Variants in PKP1 observed in about 807,000 individuals in gnomAD.
PKP1 encodes plakophilin-1.
PKP1 carries 27 observed loss-of-function variants against 76.4 expected under a neutral mutation model. That is an observed-to-expected ratio of 0.35 (90% CI 0.26 to 0.49). The LOEUF (loss-of-function observed/expected upper bound fraction) is 0.49, where lower values mean the gene tolerates loss of function less well. PKP1 is among the 20% of genes least tolerant of loss of function. PKP1 has a pLI of 0.99. For synonymous variants in PKP1, 404 were observed against 384.2 expected (o/e 1.05, Z -0.60); for missense variants, 964 against 955.2 (o/e 1.01, Z -0.12).
rs759444534 is a variant in PKP1 at position 201,324,421 on chromosome 1, C to G, written c.1681-7C>G. ...GGCTAGCTCATCATCTACTCCTTCT[C>G]TCTTAGATGTCCAGTGGCATGAGCC... On this transcript the variant is annotated splice_polypyrimidine_tract_variant and splice_region_variant and intron_variant, in intron 9 of 13. Coordinates refer to ENST00000367324, the MANE Select transcript of PKP1 (RefSeq NM_001005337.3). The G allele has an allele frequency of 6.2e-7, 1 of 1,613,926 alleles. No individual in the cohort carries two copies. Among genetic ancestry groups the G allele is most frequent in the African/African-American group, 1.3e-5 (1 of 74,936 alleles).
intron 2 of PKP1, among the ~76,000 whole-genome samples, chr1:201,301,991 A>AG (rs1656246010): frequency 6.6e-6 from 1 of 152,130 alleles, no homozygotes; most frequent in East Asian, 1.9e-4. Flanking sequence ...ACATCTGGGG[A>AG]GGGGGTCTTG....
chr1:201,301,449 G>T (rs567421465), intron 2 of PKP1, among the ~76,000 whole-genome samples: 5 of 152,230 alleles, frequency 3.3e-5, no homozygotes, highest in Admixed American at 6.5e-5. Context: ...TTCATGTTGT[G>T]TAGAGCTCTG....
intron 2 of PKP1, among the ~76,000 whole-genome samples, chr1:201,297,301 C>T (rs1244255980): frequency 6.6e-6 from 1 of 152,148 alleles, no homozygotes; most frequent in Admixed American, 6.5e-5. Context: ...GCCTCCTCCT[C>T]CTTCAGGCAG....
chr1:201,330,109 G>A lies in PKP1; in HGVS notation c.*68G>A, dbSNP rs150757816. 3 of 152,240 alleles carry A rather than the reference G, an allele frequency of 2.0e-5. No individual in the cohort carries two copies. Among genetic ancestry groups the A allele is most frequent in the East Asian group, 1.9e-4 (1 of 5,176 alleles). 9.4% of individuals were successfully genotyped at this position (152,240 alleles called of 1,614,324 possible). ...CCCAGCTGAGAAGCCCTCAGGCCTC[G>A]CTGGATGGGGTTTTCTGTCCATCCT... On this transcript the variant is annotated 3_prime_UTR_variant, in exon 14 of 14. Coordinates refer to ENST00000367324, the MANE Select transcript of PKP1 (RefSeq NM_001005337.3).
In PKP1 at chr1:201,324,465, A is replaced by T; in HGVS notation, c.1718A>T (p.Glu573Val). 1 of 1,614,104 alleles carries T rather than the reference A, an allele frequency of 6.2e-7. No individual in the cohort carries two copies. The highest frequency in any genetic ancestry group is 8.5e-7 in the Non-Finnish European group (1 of 1,179,988). ...ATGAGCCAGTTGATTGGGCTGAAGG[A>T]AAAGGGCCTGCCACAAATTGCCCGC... Reference protein sequence around the residue: ...SGMSQLIGLKEKGLPQIARLL... With the variant: ...SGMSQLIGLKVKGLPQIARLL... Residue 573 changes from glutamate to valine, a missense_variant, in exon 10 of 14, where the codon GAA becomes GTA. Coordinates refer to ENST00000367324, the MANE Select transcript of PKP1 (RefSeq NM_001005337.3).
chr1:201,283,642 A>ACCTCG lies in PKP1; in HGVS notation c.-51_-47dup. 2 of 1,439,970 alleles carry ACCTCG rather than the reference A, an allele frequency of 1.4e-6. No homozygotes were observed. Among genetic ancestry groups the ACCTCG allele is most frequent in the Non-Finnish European group, 1.9e-6 (2 of 1,036,818 alleles). 89.2% of individuals were successfully genotyped at this position (1,439,970 alleles called of 1,614,324 possible). A position where few individuals can be genotyped will look rare whatever the true frequency, so the allele number is the denominator to read the frequency against. On this transcript the variant is annotated 5_prime_UTR_variant, in exon 1 of 14. Transcript: ENST00000367324. The stretch of plus-strand genomic sequence containing the variant: ...CGCTCCTGCCCGCCCGCTGCACCGC[A>ACCTCG]CCTCGCCTCGCCTCTCTGCTCTCCT...
intron 6 of PKP1, 27 bp downstream of exon 6, chr1:201,318,822 T>C: frequency 6.4e-7 from 1 of 1,561,640 alleles, no homozygotes; most frequent in Non-Finnish European, 8.7e-7. Context: ...CATGGGGTCT[T>C]TTTGTCCCAG....
intron 3 of PKP1, chr1:201,316,308 C>T (rs1432106710): frequency 5.5e-6 from 3 of 544,708 alleles, no homozygotes; most frequent in Non-Finnish European, 9.8e-6. Context: ...CCTGCTAGGA[C>T]ATTAACTGTG....
intron 3 of PKP1, chr1:201,316,332 T>C (rs1656747242): frequency 1.7e-6 from 1 of 572,888 alleles, no homozygotes; most frequent in South Asian, 2.2e-5. Flanking sequence ...AGGGGCTCAC[T>C]ATTCTCACAT....
At chr1:201,312,442 T>G (rs1315709860) in intron 2 of PKP1, among the ~76,000 whole-genome samples, 1 of 152,192 alleles carries the variant, frequency 6.6e-6, no homozygotes, top group Admixed American at 6.5e-5. Flanking sequence ...GAGTGACTAC[T>G]AGAAGGTCAC....
intron 1 of PKP1, among the ~76,000 whole-genome samples, chr1:201,291,095 G>T (rs929939511): frequency 2.6e-5 from 4 of 152,094 alleles, no homozygotes; most frequent in Non-Finnish European, 5.9e-5. Flanking sequence ...TGGTTATCTG[G>T]CACACTGCGA....
intron 7 of PKP1, among the ~76,000 whole-genome samples, chr1:201,320,672 C>A (rs1439077968): frequency 3.3e-5 from 5 of 152,214 alleles, no homozygotes; most frequent in African/African-American, 9.7e-5. Flanking sequence ...ATCATATCAA[C>A]CTCAAGGGTT....
intron 2 of PKP1, among the ~76,000 whole-genome samples, chr1:201,308,169 C>T (rs1384836310): frequency 6.6e-6 from 1 of 152,238 alleles, no homozygotes; most frequent in Non-Finnish European, 1.5e-5. Context: ...GCATTCTGGA[C>T]ATCACAGCTG....
intron 3 of PKP1, among the ~76,000 whole-genome samples, chr1:201,314,167 C>T (rs1324085774): frequency 6.6e-6 from 1 of 152,164 alleles, no homozygotes. Flanking sequence ...AACTGAGGGA[C>T]ATGGCCTGGG....
chr1:201,320,052 C>T, intron 6 of PKP1: 1 of 736,112 alleles, frequency 1.4e-6, no homozygotes, highest in Admixed American at 2.0e-5. Context: ...CTTCCGTTTT[C>T]ATCTTTTCCT....
intron 1 of PKP1, among the ~76,000 whole-genome samples, chr1:201,291,768 G>C (rs921390723): frequency 3.9e-5 from 6 of 152,182 alleles, no homozygotes; most frequent in Admixed American, 2.0e-4. Context: ...TCAAACCTTG[G>C]AAGAATGATC....
At chr1:201,314,808 G>T (rs1323645784) in intron 3 of PKP1, among the ~76,000 whole-genome samples, 2 of 152,242 alleles carry the variant, frequency 1.3e-5, no homozygotes, top group Admixed American at 6.5e-5. Context: ...AGCCATGATA[G>T]GGACAACCCA....
At position 201,313,410 on chromosome 1, in the gene PKP1, A is replaced by G. The variant is rs745792455; in HGVS notation, c.551A>G (p.Tyr184Cys). Residue 184 changes from tyrosine to cysteine, a missense_variant, in exon 3 of 14, where the codon TAC (tyrosine) becomes TGC (cysteine). By Grantham distance (194) the Tyr-to-Cys change is radical. Transcript: ENST00000367324. The stretch of plus-strand genomic sequence containing the variant: ...GGCCAGAAGACCACCCAGAACCGCT[A>G]CAGCTTTTACAGCACCTGCAGTGGT... Reference protein sequence around the residue: ...SKGQKTTQNRYSFYSTCSGQK... With the variant: ...SKGQKTTQNRCSFYSTCSGQK... 4 of 1,590,254 alleles carry G rather than the reference A, an allele frequency of 2.5e-6. No homozygotes were observed. The South Asian group carries it at 3.4e-5, about 14-fold the overall frequency.
intron 12 of PKP1, among the ~76,000 whole-genome samples, chr1:201,326,350 G>T (rs1272615454): frequency 6.6e-6 from 1 of 152,234 alleles, no homozygotes; most frequent in Non-Finnish European, 1.5e-5. Flanking sequence ...AAGCCTGGAG[G>T]CTGCTGTCCT....
Sources: allele counts gnomAD v4.1 joint callset (sites outside exome capture counted in the v4.1 genomes callset), GRCh38; gene constraint gnomAD v4.1.1; transcripts MANE v1.5; gene names NCBI Gene and HGNC (gene_info 2026-07-23, HGNC 2026-07-21).